Variants in ARHGAP15 observed in about 807,000 individuals in gnomAD.
The protein encoded by ARHGAP15 is Rho GTPase activating protein 15, also known as rho GTPase-activating protein 15.
In ARHGAP15, 51 loss-of-function variants were observed where a neutral mutation model predicts 63.7. That is an observed-to-expected ratio of 0.80 (90% CI 0.64 to 1.01). The LOEUF is 1.01. Ranked by LOEUF, ARHGAP15 falls within the 50% of genes least tolerant of loss-of-function variation. The pLI is 0.00. For synonymous variants in ARHGAP15, 191 were observed against 193.8 expected, an observed-to-expected ratio of 0.99 and a Z score of 0.12; for missense variants, 560 against 564.6, an observed-to-expected ratio of 0.99 and a Z score of 0.08.
intron 12 of ARHGAP15, among the ~76,000 whole-genome samples, chr2:143,635,354 C>T (rs1680260195): frequency 6.6e-6 from 1 of 151,482 alleles, no homozygotes; most frequent in South Asian, 2.1e-4. Flanking sequence ...TGCCCAGCCT[C>T]GTGCTATTTT....
chr2:143,642,937 T>A (rs559979492), intron 12 of ARHGAP15, among the ~76,000 whole-genome samples: 3 of 152,254 alleles, frequency 2.0e-5, no homozygotes, highest in Admixed American at 1.3e-4. Context: ...GCAGATACAG[T>A]TAATCCAGTA....
chr2:143,200,113 C>T (rs1692050751), intron 2 of ARHGAP15, among the ~76,000 whole-genome samples: 1 of 152,164 alleles, frequency 6.6e-6, no homozygotes, highest in Non-Finnish European at 1.5e-5. Flanking sequence ...TGGCCAGTCT[C>T]TGTGAGACAA....
intron 6 of ARHGAP15, among the ~76,000 whole-genome samples, chr2:143,377,296 C>T (rs1016725635): frequency 3.3e-5 from 5 of 151,962 alleles, no homozygotes; most frequent in African/African-American, 1.2e-4. Flanking sequence ...TTCTAATTAA[C>T]ATACTTTTTA....
chr2:143,502,093 A>G (rs565387344), intron 9 of ARHGAP15, among the ~76,000 whole-genome samples: 3 of 152,270 alleles, frequency 2.0e-5, no homozygotes, highest in Admixed American at 6.5e-5. Context: ...GGATCTGAGG[A>G]ATTCTAGGAA....
chr2:143,606,068 A>AAAAAAAC (rs1559076928), intron 11 of ARHGAP15, among the ~76,000 whole-genome samples: 3 of 44,084 alleles, frequency 6.8e-5, no homozygotes, highest in African/African-American at 5.5e-5. Flanking sequence ...AAAAAAAAAA[A>AAAAAAAC]AAGCCATACA....
In ARHGAP15 at chr2:143,698,010, C is replaced by G. The variant is rs59329428; in HGVS notation, c.1139-5409C>G. ...GACATTTCAGAATAACTTTCAGAAG[C>G]AGAACAGCTGTGGTACCACTGACCT... On this transcript the variant is annotated intron_variant, in intron 12 of 13. Coordinates refer to ENST00000295095, the MANE Select transcript of ARHGAP15 (RefSeq NM_018460.4). 5.1e-3 allele frequency among the ~76,000 whole-genome samples: 782 copies of G among 152,232 alleles called. 4 individuals are homozygous for G. Among genetic ancestry groups the G allele is most frequent in the African/African-American group, 0.018 (750 of 41,550 alleles).
intron 13 of ARHGAP15, among the ~76,000 whole-genome samples, chr2:143,731,198 T>G (rs139284315): frequency 1.3e-5 from 2 of 152,232 alleles, no homozygotes; most frequent in East Asian, 3.9e-4. Context: ...TAACCCAAAT[T>G]TACTTTAAAT....
chr2:143,421,487 G>T (rs1347701351), intron 6 of ARHGAP15, among the ~76,000 whole-genome samples: 1 of 151,958 alleles, frequency 6.6e-6, no homozygotes. Flanking sequence ...GAGGAAAAGA[G>T]AAAGAGAGCA....
intron 5 of ARHGAP15, chr2:143,235,801 G>T: frequency 1.1e-6 from 1 of 897,880 alleles, no homozygotes; most frequent in Non-Finnish European, 1.5e-6. Flanking sequence ...TTGTCTGTTT[G>T]ATTTATCTTC....
chr2:143,742,905 A>G (rs370673017), intron 13 of ARHGAP15, among the ~76,000 whole-genome samples: 1 of 152,154 alleles, frequency 6.6e-6, no homozygotes, highest in East Asian at 1.9e-4. Flanking sequence ...GACTTTTCTC[A>G]CTGCCAGCTG....
At chr2:143,324,370 A>C (rs958383620) in intron 6 of ARHGAP15, among the ~76,000 whole-genome samples, 2 of 152,176 alleles carry the variant, frequency 1.3e-5, no homozygotes, top group Admixed American at 6.5e-5. Context: ...TTGCGTTCTT[A>C]ATTCCTGAGG....
At chr2:143,477,169 TACAC>T (rs59876741) in intron 8 of ARHGAP15, among the ~76,000 whole-genome samples, 82 of 150,974 alleles carry the variant, frequency 5.4e-4, no homozygotes, top group African/African-American at 1.9e-3. Flanking sequence ...CCAAATCATT[TACAC>T]ACACACACAC....
At chr2:143,142,174 T>G (rs2104990394) in intron 1 of ARHGAP15, among the ~76,000 whole-genome samples, 1 of 152,224 alleles carries the variant, frequency 6.6e-6, no homozygotes, top group East Asian at 1.9e-4. Flanking sequence ...ACAACATATG[T>G]CTGTGGGTTG....
chr2:143,647,472 G>A (rs1418572597), intron 12 of ARHGAP15, among the ~76,000 whole-genome samples: 1 of 151,814 alleles, frequency 6.6e-6, no homozygotes, highest in Non-Finnish European at 1.5e-5. Context: ...ATACACCAAA[G>A]CAGGAGTTGT....
intron 10 of ARHGAP15, among the ~76,000 whole-genome samples, chr2:143,533,566 A>G (rs946777503): frequency 2.0e-5 from 3 of 152,164 alleles, no homozygotes; most frequent in African/African-American, 7.2e-5. Flanking sequence ...AAAGGTATCA[A>G]TAATTTGTCT....
At chr2:143,619,494 C>A (rs546117608) in intron 11 of ARHGAP15, among the ~76,000 whole-genome samples, 1 of 152,110 alleles carries the variant, frequency 6.6e-6, no homozygotes, top group South Asian at 2.1e-4. Flanking sequence ...TTAAGATAAC[C>A]TAATTAGAGG....
At chr2:143,679,492 C>T (rs150188632) in intron 12 of ARHGAP15, among the ~76,000 whole-genome samples, 117 of 152,272 alleles carry the variant, frequency 7.7e-4, no homozygotes, top group African/African-American at 2.6e-3. Context: ...GAACCAGAGC[C>T]ATTAGGAAAA....
At chr2:143,427,631 A>T (rs1451528958) in intron 6 of ARHGAP15, among the ~76,000 whole-genome samples, 1 of 151,934 alleles carries the variant, frequency 6.6e-6, no homozygotes, top group Non-Finnish European at 1.5e-5. Flanking sequence ...TATTTTAGAG[A>T]TATGCATTGA....
intron 10 of ARHGAP15, among the ~76,000 whole-genome samples, chr2:143,539,171 G>C (rs189634160): frequency 1.2e-4 from 18 of 152,278 alleles, no homozygotes; most frequent in African/African-American, 4.1e-4. Context: ...TTGTGTAGAG[G>C]TATTTATAGC....
Sources: allele counts gnomAD v4.1 joint callset (sites outside exome capture counted in the v4.1 genomes callset), GRCh38; gene constraint gnomAD v4.1.1; transcripts MANE v1.5; gene names NCBI Gene and HGNC (gene_info 2026-07-23, HGNC 2026-07-21).